The following TNIK variants were observed in gnomAD, a reference collection of about 807,000 sequenced individuals.
TNIK encodes TRAF2 and NCK-interacting protein kinase.
TNIK carries 49 observed loss-of-function variants against 191.3 expected under a neutral mutation model. That is an observed-to-expected ratio of 0.26 (90% CI 0.20 to 0.32). TNIK has a LOEUF of 0.32. TNIK is among the 10% of genes least tolerant of loss of function. TNIK has a pLI of 1.00. For synonymous variants in TNIK, 594 were observed against 600.9 expected (o/e 0.99, Z 0.17); for missense variants, 1,155 against 1,702.3 (o/e 0.68, Z 5.66).
chr3:171,394,294 T>C (rs1377001027), intron 1 of TNIK, among the ~76,000 whole-genome samples: 1 of 152,236 alleles, frequency 6.6e-6, no homozygotes, highest in Non-Finnish European at 1.5e-5. Flanking sequence ...TAAATTTTCC[T>C]CAATATACCA....
intron 1 of TNIK, among the ~76,000 whole-genome samples, chr3:171,449,789 T>G (rs1304431015): frequency 2.0e-5 from 3 of 151,054 alleles, no homozygotes; most frequent in Non-Finnish European, 4.4e-5. Flanking sequence ...TTAAACAAAA[T>G]TTTTGGGAGG....
At chr3:171,223,275 C>G (rs369718156) in intron 3 of TNIK, among the ~76,000 whole-genome samples, 1 of 152,034 alleles carries the variant, frequency 6.6e-6, no homozygotes. Context: ...CTCACAGTTC[C>G]GACAAACTTT....
intron 4 of TNIK, among the ~76,000 whole-genome samples, chr3:171,209,051 T>A (rs1452665250): frequency 7.7e-6 from 1 of 129,582 alleles, no homozygotes; most frequent in Admixed American, 8.0e-5. Flanking sequence ...AGTAAGGTGT[T>A]TGCTTTGGAA....
rs922316984 is a variant in TNIK, at chr3:171,061,325, A to G, written c.*2556T>C. On this transcript the variant is annotated 3_prime_UTR_variant, in exon 33 of 33. Transcript: ENST00000436636. Reference sequence around the variant, plus strand: ...CAGTGTAAAATATTAGTACAAAAATATAAAAGGCATGGCTTGATGTTTAAC... The same window carrying G: ...CAGTGTAAAATATTAGTACAAAAATGTAAAAGGCATGGCTTGATGTTTAAC... The G allele has an allele frequency of 6.6e-6, 1 of 152,160 alleles. No homozygotes were observed. Among genetic ancestry groups the G allele is most frequent in the Non-Finnish European group, 1.5e-5 (1 of 68,010 alleles). 9.4% of individuals were successfully genotyped at this position (152,160 alleles called of 1,614,324 possible). A position where few individuals can be genotyped will look rare whatever the true frequency, so the allele number is the denominator to read the frequency against.
chr3:171,440,108 A>T (rs546247368), intron 1 of TNIK, among the ~76,000 whole-genome samples: 2 of 152,230 alleles, frequency 1.3e-5, no homozygotes, highest in Non-Finnish European at 2.9e-5. Flanking sequence ...AATGACCACA[A>T]TGATTACTGG....
chr3:171,097,598 G>A (rs1047461173), intron 22 of TNIK, among the ~76,000 whole-genome samples: 3 of 152,180 alleles, frequency 2.0e-5, no homozygotes, highest in East Asian at 1.9e-4. Flanking sequence ...TTTATAAAGG[G>A]CAGTTCCCCT....
chr3:171,101,287 G>GC (rs1723512780), intron 22 of TNIK, among the ~76,000 whole-genome samples, 162 bp downstream of exon 22: 1 of 152,098 alleles, frequency 6.6e-6, no homozygotes. Context: ...CATAGATAGA[G>GC]ATAATTATAG....
chr3:171,337,716 G>C (rs751005175), intron 2 of TNIK, among the ~76,000 whole-genome samples: 5 of 152,154 alleles, frequency 3.3e-5, no homozygotes, highest in Admixed American at 1.3e-4. Context: ...AGTCAAAGAA[G>C]GTAGAAGATA....
chr3:171,239,028 T>A (rs1744638889), intron 2 of TNIK, among the ~76,000 whole-genome samples: 1 of 152,214 alleles, frequency 6.6e-6, no homozygotes, highest in Non-Finnish European at 1.5e-5. Flanking sequence ...TGAAGTATTA[T>A]TAGGACTAAA....
intron 15 of TNIK, among the ~76,000 whole-genome samples, chr3:171,133,715 C>A (rs1318427672): frequency 1.3e-5 from 2 of 152,182 alleles, no homozygotes; most frequent in African/African-American, 4.8e-5. Flanking sequence ...TATAAACTCT[C>A]TAAATGCTAG....
At position 171,416,663 on chromosome 3, in the gene TNIK, T is replaced by A. The variant is rs962602919; in HGVS notation, c.57+43344A>T. Among the ~76,000 whole-genome samples the A allele has an allele frequency of 2.0e-5, 3 of 152,294 alleles. No homozygotes were observed. The East Asian group carries it at 5.8e-4, about 29-fold the overall frequency. On this transcript the variant is annotated intron_variant, in intron 1 of 32. Transcript: ENST00000436636. ...CCATATATATCATGTCCTTCTCCAA[T>A]CACATACATCTCATCACAGTAATAT... is the stretch of plus-strand genomic sequence containing the variant.
chr3:171,183,726 G>A (rs187630335), intron 7 of TNIK, among the ~76,000 whole-genome samples: 2 of 152,112 alleles, frequency 1.3e-5, no homozygotes, highest in East Asian at 3.9e-4. Flanking sequence ...ATCAAGACCA[G>A]CCTGGCCAAC....
chr3:171,179,693 A>T (rs558063949), intron 7 of TNIK, among the ~76,000 whole-genome samples: 1 of 152,028 alleles, frequency 6.6e-6, no homozygotes, highest in East Asian at 1.9e-4. Flanking sequence ...CTCGTGATCC[A>T]CCTGCCTCAG....
intron 15 of TNIK, among the ~76,000 whole-genome samples, chr3:171,130,662 G>A (rs1267595165): frequency 6.6e-6 from 1 of 152,138 alleles, no homozygotes; most frequent in Admixed American, 6.5e-5. Context: ...CAGACTCTTT[G>A]AAAGAAGGTT....
At chr3:171,215,890 C>T (rs1166318954) in intron 3 of TNIK, among the ~76,000 whole-genome samples, 1 of 152,144 alleles carries the variant, frequency 6.6e-6, no homozygotes, top group African/African-American at 2.4e-5. Context: ...AGGAATGAAA[C>T]TATGCAATTC....
chr3:171,423,707 A>C (rs1419185302), intron 1 of TNIK, among the ~76,000 whole-genome samples: 2 of 151,812 alleles, frequency 1.3e-5, no homozygotes, highest in African/African-American at 4.8e-5. Flanking sequence ...ATCTTTGACA[A>C]ACCTGACAAA....
intron 12 of TNIK, among the ~76,000 whole-genome samples, chr3:171,144,973 T>C (rs1164653919): frequency 1.3e-5 from 2 of 152,340 alleles, no homozygotes; most frequent in Admixed American, 6.5e-5. Context: ...CTTCATTGTA[T>C]GTAAGTACCA....
chr3:171,450,431 T>C (rs1257689316), intron 1 of TNIK, among the ~76,000 whole-genome samples: 1 of 152,182 alleles, frequency 6.6e-6, no homozygotes, highest in Non-Finnish European at 1.5e-5. Context: ...CACTAAGATG[T>C]CCAGGATGTT....
rs115131685 is a variant in TNIK, at chr3:171,455,101, G to T, written c.57+4906C>A. ...ATATGTAATGAATGCTTAATACTGG[G>T]GGCGCAAAGCTCAATTCAGGCCATC... On this transcript the variant is annotated intron_variant, in intron 1 of 32. Coordinates refer to ENST00000436636, the MANE Select transcript of TNIK (RefSeq NM_015028.4). 5.2e-3 allele frequency among the ~76,000 whole-genome samples: 785 copies of T among 152,200 alleles called. 7 individuals are homozygous for T. The highest frequency in any genetic ancestry group is 0.018 in the African/African-American group (765 of 41,510).
Sources: gnomAD v4.1 joint callset for allele counts (sites outside exome capture counted in the v4.1 genomes callset) on GRCh38, gnomAD v4.1.1 for gene constraint, MANE v1.5 for transcripts, NCBI Gene and HGNC (gene_info 2026-07-23, HGNC 2026-07-21) for gene names.